The following DNM3 variants were observed in gnomAD, a reference collection of about 807,000 sequenced individuals.
The protein encoded by DNM3 is dynamin-3.
Under a neutral mutation model 101.6 loss-of-function variants are expected in DNM3, and 47 were observed. The observed-to-expected ratio is 0.46, with a 90% confidence interval of 0.37 to 0.59. The LOEUF (loss-of-function observed/expected upper bound fraction) is 0.59, where lower values mean the gene tolerates loss of function less well. Among genes scored for constraint, DNM3 ranks in the 20% least tolerant of loss-of-function variants. The pLI is 0.00. For missense variants in DNM3, 849 were observed against 1,085.7 expected, an observed-to-expected ratio of 0.78 and a Z score of 3.06; for synonymous variants, 385 against 387.9, an observed-to-expected ratio of 0.99 and a Z score of 0.09.
intron 11 of DNM3, among the ~76,000 whole-genome samples, chr1:172,069,516 G>C (rs2051986195): frequency 6.6e-6 from 1 of 152,186 alleles, no homozygotes; most frequent in Non-Finnish European, 1.5e-5. Context: ...AATTTGGAAA[G>C]ATTATTTTCA....
At chr1:171,995,229 C>T (rs2045923709) in intron 4 of DNM3, among the ~76,000 whole-genome samples, 2 of 151,786 alleles carry the variant, frequency 1.3e-5, no homozygotes, top group South Asian at 4.2e-4. Flanking sequence ...CCTCATCCTC[C>T]CAAGTAGCTG....
intron 14 of DNM3, among the ~76,000 whole-genome samples, chr1:172,234,068 G>A (rs924977404): frequency 2.0e-4 from 30 of 152,210 alleles, no homozygotes; most frequent in African/African-American, 7.0e-4. Flanking sequence ...AGGAAATAAA[G>A]GGTATTCAAT....
intron 14 of DNM3, among the ~76,000 whole-genome samples, chr1:172,163,158 T>G (rs945010013): frequency 2.0e-5 from 3 of 152,046 alleles, no homozygotes; most frequent in South Asian, 2.1e-4. Context: ...ATTACTATTT[T>G]TGTGTGTGTG....
At chr1:171,862,082 C>T (rs2034231032) in intron 1 of DNM3, among the ~76,000 whole-genome samples, 4 of 152,102 alleles carry the variant, frequency 2.6e-5, no homozygotes, top group Admixed American at 2.6e-4. Flanking sequence ...ATACTAACAA[C>T]TGCTGGTGAG....
intron 14 of DNM3, chr1:172,139,344 T>A: frequency 6.3e-6 from 1 of 158,864 alleles, no homozygotes; most frequent in South Asian, 1.7e-4. Flanking sequence ...TACCATAACC[T>A]TGTCCATGAA....
chr1:171,873,644 C>G (rs958203691), intron 1 of DNM3, among the ~76,000 whole-genome samples: 1 of 152,130 alleles, frequency 6.6e-6, no homozygotes, highest in Non-Finnish European at 1.5e-5. Flanking sequence ...GTCTCATCTC[C>G]TCAGTCAAGA....
At chr1:171,866,793 G>A (rs2034791478) in intron 1 of DNM3, among the ~76,000 whole-genome samples, 1 of 151,758 alleles carries the variant, frequency 6.6e-6, no homozygotes, top group Non-Finnish European at 1.5e-5. Context: ...ATGGCATCAT[G>A]TTATCTGGGT....
rs146773274 is a variant in DNM3 at position 172,006,328 on chromosome 1, A to G, written c.589+17180A>G. ...TCTTCCTTGTCCATTATCTTCTTTG[A>G]CATATCTGAAGAAGAAATGGGGGAT... On this transcript the variant is annotated intron_variant, in intron 4 of 20. Transcript: ENST00000627582. Among the ~76,000 whole-genome samples the G allele has an allele frequency of 3.5e-3, 535 of 152,082 alleles. 4 individuals carry two copies. The highest frequency in any genetic ancestry group is 7.9e-3 in the Admixed American group (120 of 15,244).
Position 172,136,837 on chromosome 1 carries a change from C to G in DNM3, c.1659+5549C>G, listed in dbSNP as rs570438234. 106 of 152,138 alleles carry G rather than the reference C, an allele frequency of 7.0e-4. 1 individual carries two copies. Among genetic ancestry groups the G allele is most frequent in the Non-Finnish European group, 1.1e-3 (75 of 68,002 alleles). 9.4% of individuals were successfully genotyped at this position (152,138 alleles called of 1,614,324 possible). On this transcript the variant is annotated intron_variant, in intron 14 of 20. Transcript: ENST00000627582. ...AATATTATCCTTTATATTACCCTTT[C>G]CCAGAAGAGAAAAATTTTTAAATGT...
chr1:172,308,834 T>C lies in DNM3; in HGVS notation c.1876T>C (p.Ser626Pro). 1.3e-6 allele frequency: 2 copies of C among 1,591,568 alleles called. No homozygotes were observed. The highest frequency in any genetic ancestry group is 1.7e-6 in the Non-Finnish European group (2 of 1,163,358). The change falls in exon 16 of 21, where the codon TCT becomes CCT. Residue 626 changes from serine (S) to proline (P), a missense_variant. Around this residue, in one of 5 missense-constraint regions of DNM3, gnomAD observed 256 missense variants for 311.7 expected, o/e 0.82. Coordinates refer to ENST00000627582, the MANE Select transcript of DNM3 (RefSeq NM_015569.5). ...AAGAGCTGGGGTCTATCCTGACAAA[T>C]CTGTAGTAAGTTGGATATATCTCTT... The part of the protein sequence containing the change: ...LLRAGVYPDK[S>P]VGNNKAENDE...
chr1:172,355,407 G>T (rs920200138), intron 17 of DNM3, among the ~76,000 whole-genome samples: 3 of 152,128 alleles, frequency 2.0e-5, no homozygotes, highest in Non-Finnish European at 4.4e-5. Context: ...TAGCCAAATA[G>T]AACTTGAAAA....
At position 172,409,982 on chromosome 1, in the gene DNM3, C is replaced by A. The variant is rs2071117322; in HGVS notation, c.*2141C>A. 5 of 985,676 alleles carry A rather than the reference C, an allele frequency of 5.1e-6. No homozygotes were observed. Among genetic ancestry groups the A allele is most frequent in the Non-Finnish European group, 6.0e-6 (5 of 829,844 alleles). 61.1% of individuals were successfully genotyped at this position (985,676 alleles called of 1,614,324 possible). A position where few individuals can be genotyped will look rare whatever the true frequency, so the allele number is the denominator to read the frequency against. ...CAATTTTCCTTCCACTGATCTTAGG[C>A]AGTAATAAACAATGGCATTTGTCAT... On this transcript the variant is annotated 3_prime_UTR_variant, in exon 21 of 21. Transcript: ENST00000627582.
intron 17 of DNM3, among the ~76,000 whole-genome samples, chr1:172,332,614 G>T (rs2148937063): frequency 6.6e-6 from 1 of 152,244 alleles, no homozygotes; most frequent in South Asian, 2.1e-4. Flanking sequence ...CGGCCAGCTG[G>T]GGCTTTTCTC....
intron 4 of DNM3, among the ~76,000 whole-genome samples, chr1:172,011,788 T>C (rs72713748): frequency 0.11 from 16,167 of 152,006 alleles, 1,167 homozygotes; most frequent in East Asian, 0.24. Flanking sequence ...TCCAAATTTT[T>C]AGATGTTCTC....
At chr1:172,391,820 C>T (rs1467720701) in intron 20 of DNM3, among the ~76,000 whole-genome samples, 2 of 152,146 alleles carry the variant, frequency 1.3e-5, no homozygotes, top group Non-Finnish European at 2.9e-5. Context: ...CCCGCCAGCT[C>T]CCTGTTGGGC....
chr1:172,241,223 A>G, intron 14 of DNM3, among the ~76,000 whole-genome samples: 1 of 137,282 alleles, frequency 7.3e-6, no homozygotes, highest in East Asian at 2.1e-4. Context: ...TATCATATAT[A>G]TGTATATATA....
intron 2 of DNM3, among the ~76,000 whole-genome samples, chr1:171,946,524 A>G (rs1485390233): frequency 6.6e-6 from 1 of 152,082 alleles, no homozygotes; most frequent in African/African-American, 2.4e-5. Context: ...ATGCTGATTG[A>G]CAGGCATTCT....
At chr1:171,853,790 T>G in intron 1 of DNM3, among the ~76,000 whole-genome samples, 1 of 152,224 alleles carries the variant, frequency 6.6e-6, no homozygotes, top group Non-Finnish European at 1.5e-5. Context: ...TAAATATTGC[T>G]GCTCTCAGGT....
At chr1:172,181,489 C>A (rs984609563) in intron 14 of DNM3, among the ~76,000 whole-genome samples, 4 of 151,814 alleles carry the variant, frequency 2.6e-5, no homozygotes, top group Non-Finnish European at 4.4e-5. Context: ...GATTACACTA[C>A]CTTCTTTATG....
Sources: allele counts gnomAD v4.1 joint callset (sites outside exome capture counted in the v4.1 genomes callset), GRCh38; gene constraint gnomAD v4.1.1; regional missense constraint gnomAD v4.1.1; transcripts MANE v1.5; gene names NCBI Gene and HGNC (gene_info 2026-07-23, HGNC 2026-07-21).